Variants in EXTL2 observed in about 807,000 individuals in gnomAD.
EXTL2 encodes the protein exostosin like glycosyltransferase 2.
In EXTL2, 23 loss-of-function variants were observed where a neutral mutation model predicts 30.7. That is an observed-to-expected ratio of 0.75 (90% CI 0.54 to 1.06). EXTL2 has a LOEUF of 1.06. Ranked by LOEUF, EXTL2 falls within the 50% of genes least tolerant of loss-of-function variation. The pLI, the probability that EXTL2 is intolerant of heterozygous loss-of-function variation, is 0.00. For synonymous variants in EXTL2, 123 were observed against 133.8 expected (o/e 0.92, Z 0.56); for missense variants, 352 against 396.3 (o/e 0.89, Z 0.95).
chr1:100,890,305 G>C (rs1000890729), intron 1 of EXTL2, among the ~76,000 whole-genome samples: 6 of 152,190 alleles, frequency 3.9e-5, no homozygotes, highest in Non-Finnish European at 7.3e-5. Context: ...CAGAGTAGGA[G>C]TAGGGTCCTG....
chr1:100,884,835 T>C (rs1465561432), intron 2 of EXTL2, among the ~76,000 whole-genome samples: 1 of 152,224 alleles, frequency 6.6e-6, no homozygotes, highest in South Asian at 2.1e-4. Flanking sequence ...TTTGCTGTTT[T>C]TTTCAGTCTT....
intron 2 of EXTL2, among the ~76,000 whole-genome samples, chr1:100,882,184 A>G (rs1052811439): frequency 6.6e-6 from 1 of 152,204 alleles, no homozygotes; most frequent in African/African-American, 2.4e-5. Flanking sequence ...GGGGACACCA[A>G]GGGTTTTCAA....
intron 4 of EXTL2, among the ~76,000 whole-genome samples, chr1:100,875,575 C>A (rs1418165560): frequency 6.6e-6 from 1 of 151,898 alleles, no homozygotes; most frequent in African/African-American, 2.4e-5. Context: ...AGGTAATGGG[C>A]AAATACAAAG....
rs1379362753 is a variant in EXTL2 at position 100,874,196 on chromosome 1, C to T, written c.739G>A (p.Ala247Thr). Residue 247 changes from alanine to threonine, a missense_variant, in exon 5 of 5, where the codon GCC (alanine) becomes ACC (threonine). Coordinates refer to ENST00000370114, the MANE Select transcript of EXTL2 (RefSeq NM_001033025.3). ...TGCTTGGCAATGATAAAATTCATGG[C>T]AATATCATCACAGTTTTGAGTATCA... ...IDDTQNCDDI[A>T]MNFIIAKHIG... 1 of 1,612,900 alleles carries T rather than the reference C, an allele frequency of 6.2e-7. No individual in the cohort carries two copies. The highest frequency in any genetic ancestry group is 1.1e-5 in the South Asian group (1 of 91,034).
Position 100,876,773 on chromosome 1 carries a change from T to C in EXTL2, c.504+21A>G, listed in dbSNP as rs1557951567. ...TCAAGATCTTATAAAGACGGTTTCA[T>C]AAAAGAGACAGCAACATTACCTGCC... is the stretch of plus-strand genomic sequence containing the variant. On this transcript the variant is annotated intron_variant, in intron 4 of 4. Transcript: ENST00000370114. 3 of 1,596,280 alleles carry C rather than the reference T, an allele frequency of 1.9e-6. No individual in the cohort carries two copies. The South Asian group carries it at 3.3e-5, about 18-fold the overall frequency.
intron 1 of EXTL2, among the ~76,000 whole-genome samples, chr1:100,893,476 A>G (rs1650589768): frequency 6.6e-6 from 1 of 152,056 alleles, no homozygotes; most frequent in South Asian, 2.1e-4. Context: ...CCCTTTCTTC[A>G]TAACTACTCT....
intron 1 of EXTL2, among the ~76,000 whole-genome samples, chr1:100,892,357 C>T (rs1196938812): frequency 6.6e-6 from 1 of 152,126 alleles, no homozygotes; most frequent in Non-Finnish European, 1.5e-5. Context: ...TTCTTGCCCT[C>T]GAACATCAGG....
At chr1:100,885,319 G>A (rs1033047411) in intron 2 of EXTL2, among the ~76,000 whole-genome samples, 4 of 152,174 alleles carry the variant, frequency 2.6e-5, no homozygotes, top group African/African-American at 9.7e-5. Flanking sequence ...GCCTTGGGGG[G>A]AAAGCATCAT....
intron 2 of EXTL2, among the ~76,000 whole-genome samples, chr1:100,879,953 T>C (rs2100931367): frequency 6.6e-6 from 1 of 152,240 alleles, no homozygotes; most frequent in Non-Finnish European, 1.5e-5. Context: ...AATATTCTGT[T>C]CCAAACTAAA....
chr1:100,889,806 C>G (rs999854922), intron 1 of EXTL2, among the ~76,000 whole-genome samples: 1 of 152,218 alleles, frequency 6.6e-6, no homozygotes, highest in African/African-American at 2.4e-5. Context: ...CTCTCAGAGT[C>G]TTGGGAAGCT....
intron 1 of EXTL2, among the ~76,000 whole-genome samples, chr1:100,890,690 A>G (rs903977980): frequency 6.6e-6 from 1 of 152,212 alleles, no homozygotes; most frequent in Non-Finnish European, 1.5e-5. Context: ...GCAGTTCCCA[A>G]TAAGTTCCTC....
intron 1 of EXTL2, among the ~76,000 whole-genome samples, chr1:100,890,575 C>T (rs940949026): frequency 6.6e-6 from 1 of 152,116 alleles, no homozygotes; most frequent in Non-Finnish European, 1.5e-5. Context: ...ACACAAGTTC[C>T]AAATTCAGAT....
intron 1 of EXTL2, among the ~76,000 whole-genome samples, chr1:100,890,482 C>T (rs1025829817): frequency 1.3e-5 from 2 of 152,166 alleles, no homozygotes; most frequent in African/African-American, 4.8e-5. Context: ...GTTTGAATTC[C>T]ACCCCAGAAA....
rs1331441153 is a variant in EXTL2 at position 100,873,877 on chromosome 1, A to G, written c.*65T>C. The G allele has an allele frequency of 8.8e-6, 13 of 1,473,746 alleles. No individual in the cohort carries two copies. In the East Asian group the frequency reaches 3.0e-4, roughly 34 times the overall value. The allele number at this position is 1,473,746 out of a possible 1,614,324, so 91.3% of individuals were successfully genotyped here. On this transcript the variant is annotated 3_prime_UTR_variant, in exon 5 of 5. Transcript: ENST00000370114. The stretch of plus-strand genomic sequence containing the variant: ...AATTCATGATGTTGCTTAAAAAAAT[A>G]CATAGCATGGAGAAGCTACTCAAAT...
chr1:100,876,008 T>C (rs1056796395), intron 4 of EXTL2, among the ~76,000 whole-genome samples: 1 of 152,118 alleles, frequency 6.6e-6, no homozygotes, highest in Non-Finnish European at 1.5e-5. Flanking sequence ...AATGCTGATA[T>C]CTGCTGAGTA....
chr1:100,881,913 A>T (rs1649589010), intron 2 of EXTL2, among the ~76,000 whole-genome samples: 1 of 152,160 alleles, frequency 6.6e-6, no homozygotes, highest in Non-Finnish European at 1.5e-5. Flanking sequence ...GCAGGAGGTG[A>T]GCAATGGGTA....
chr1:100,893,782 T>C (rs115793442), intron 1 of EXTL2, among the ~76,000 whole-genome samples: 1 of 152,340 alleles, frequency 6.6e-6, no homozygotes, highest in African/African-American at 2.4e-5. Context: ...AGTTTTAAAT[T>C]TGGTCATTAT....
upstream of EXTL2, chr1:100,895,138 TG>T (rs1650796827): frequency 6.6e-6 from 1 of 152,268 alleles, no homozygotes; most frequent in African/African-American, 2.4e-5. Context: ...GGCCAGCTTC[TG>T]CCTGCACGTT....
At chr1:100,878,269 G>T in intron 2 of EXTL2, 1 of 355,804 alleles carries the variant, frequency 2.8e-6, no homozygotes, top group South Asian at 2.3e-5. Flanking sequence ...CACTTCTGTA[G>T]TAGCAGACTT....
Sources: allele counts gnomAD v4.1 joint callset (sites outside exome capture counted in the v4.1 genomes callset), GRCh38; gene constraint gnomAD v4.1.1; transcripts MANE v1.5; gene names NCBI Gene and HGNC (gene_info 2026-07-23, HGNC 2026-07-21).